The following FBXO4 variants were observed in gnomAD, a reference collection of about 807,000 sequenced individuals.
The protein encoded by FBXO4 is F-box only protein 4.
Under a neutral mutation model 43.7 loss-of-function variants are expected in FBXO4, and 36 were observed. That is an observed-to-expected ratio of 0.82 (90% confidence interval 0.63 to 1.09). The LOEUF (loss-of-function observed/expected upper bound fraction) is 1.09, where lower values mean the gene tolerates loss of function less well. Among genes scored for constraint, FBXO4 ranks in the 50% least tolerant of loss-of-function variants. The pLI, the probability that FBXO4 is intolerant of heterozygous loss-of-function variation, is 0.00. For synonymous variants in FBXO4, 180 were observed against 165.6 expected (o/e 1.09, Z -0.67); for missense variants, 435 against 474.1 (o/e 0.92, Z 0.77).
the FBXO4 span, among the ~76,000 whole-genome samples, chr5:42,005,830 C>A: frequency 1.3e-5 from 2 of 151,870 alleles, no homozygotes; most frequent in Non-Finnish European, 2.9e-5. Context: ...TGTTTTTGAC[C>A]TCCTCTTCTA....
the FBXO4 span, among the ~76,000 whole-genome samples, chr5:41,971,394 T>C: frequency 6.6e-6 from 1 of 152,056 alleles, no homozygotes; most frequent in Non-Finnish European, 1.5e-5. Flanking sequence ...ACAAACAAGA[T>C]AATAAAAAGT....
At chr5:41,947,843 C>T in the FBXO4 span, among the ~76,000 whole-genome samples, 1 of 152,126 alleles carries the variant, frequency 6.6e-6, no homozygotes, top group Non-Finnish European at 1.5e-5. Flanking sequence ...ATGATCAGTG[C>T]TTTCCTTGAG....
At chr5:41,946,964 A>G in the FBXO4 span, among the ~76,000 whole-genome samples, 6 of 152,354 alleles carry the variant, frequency 3.9e-5, no homozygotes, top group South Asian at 1.2e-3. Context: ...GTTAATAGAC[A>G]TCATTGCTCA....
At chr5:41,942,449 T>C (rs1752020419), downstream of FBXO4, among the ~76,000 whole-genome samples, 1 of 151,960 alleles carries the variant, frequency 6.6e-6, no homozygotes, top group Admixed American at 6.5e-5. Context: ...ATTTCAGTTC[T>C]ATAATTAAGA....
the FBXO4 span, among the ~76,000 whole-genome samples, chr5:41,972,875 A>T: frequency 6.6e-6 from 1 of 152,180 alleles, no homozygotes; most frequent in Non-Finnish European, 1.5e-5. Flanking sequence ...CCATAAATAG[A>T]AGATGAAACT....
the FBXO4 span, among the ~76,000 whole-genome samples, chr5:41,965,623 T>C: frequency 6.6e-6 from 1 of 152,142 alleles, no homozygotes; most frequent in Non-Finnish European, 1.5e-5. Context: ...TGAGATACCA[T>C]CTCACACCAG....
At chr5:41,999,508 T>C in the FBXO4 span, among the ~76,000 whole-genome samples, 57 of 57,002 alleles carry the variant, frequency 1.0e-3, no homozygotes, top group African/African-American at 2.7e-3. Context: ...TATATATGTG[T>C]ATATATATAT....
chr5:41,988,257 G>C, the FBXO4 span, among the ~76,000 whole-genome samples: 1 of 152,142 alleles, frequency 6.6e-6, no homozygotes, highest in Non-Finnish European at 1.5e-5. Flanking sequence ...AAGTGGGCTG[G>C]AGTTGGGTAT....
chr5:41,935,605 C>A (rs2112581473), intron 5 of FBXO4, among the ~76,000 whole-genome samples: 1 of 152,320 alleles, frequency 6.6e-6, no homozygotes. Flanking sequence ...GCAGTGGAGA[C>A]CTTTCTACCA....
chr5:41,934,963 C>T (rs1211115544), intron 5 of FBXO4: 1 of 977,676 alleles, frequency 1.0e-6, no homozygotes, highest in Non-Finnish European at 1.2e-6. Context: ...TTATAGTTCT[C>T]TAATACACTG....
In FBXO4 at chr5:41,939,548, G is replaced by A. The variant is rs1371101071; in HGVS notation, c.1006G>A (p.Val336Ile). 2 of 1,613,848 alleles carry A rather than the reference G, an allele frequency of 1.2e-6. No homozygotes were observed. Among genetic ancestry groups the A allele is most frequent in the African/African-American group, 1.3e-5 (1 of 75,038 alleles). The change falls in exon 6 of 7, where the codon GTA becomes ATA. Residue 336 changes from valine (V) to isoleucine (I), a missense_variant. By Grantham distance (29) the Val-to-Ile change is conservative. Transcript: ENST00000281623. The part of the protein sequence containing the change: ...LVLSCISQGD[V>I]KRMPCFYLAH... Reference sequence around the variant, plus strand: ...TTTATCTTGTATTTCTCAAGGGGATGTAAAAAGAATGCCCTGTTTTTATTT... The same window carrying A: ...TTTATCTTGTATTTCTCAAGGGGATATAAAAAGAATGCCCTGTTTTTATTT...
rs767608424 is a variant in FBXO4 at position 41,929,933 on chromosome 5, A to G, written c.646+16A>G. ...CAGATTGATGGTAATTTTCATGTTAATCTACAGTTAATTCAAACACTTTGA... is the reference window on the plus strand; with the variant it reads ...CAGATTGATGGTAATTTTCATGTTAGTCTACAGTTAATTCAAACACTTTGA... On this transcript the variant is annotated intron_variant, in intron 3 of 6. Coordinates refer to ENST00000281623, the MANE Select transcript of FBXO4 (RefSeq NM_012176.3). 6.4e-7 allele frequency: 1 copy of G among 1,552,362 alleles called. No individual in the cohort carries two copies. The highest frequency in any genetic ancestry group is 8.8e-7 in the Non-Finnish European group (1 of 1,133,706).
chr5:41,984,967 G>A, the FBXO4 span, among the ~76,000 whole-genome samples: 2 of 151,892 alleles, frequency 1.3e-5, no homozygotes, highest in Non-Finnish European at 2.9e-5. Flanking sequence ...CTCCAAGTTG[G>A]GTTCTCTTCA....
chr5:41,965,677 G>C, the FBXO4 span, among the ~76,000 whole-genome samples: 2 of 152,216 alleles, frequency 1.3e-5, no homozygotes, highest in East Asian at 3.8e-4. Context: ...ACAGATACTG[G>C]AGAGGATGTG....
At chr5:42,025,855 G>GTGCAGGT in the FBXO4 span, among the ~76,000 whole-genome samples, 2 of 151,718 alleles carry the variant, frequency 1.3e-5, no homozygotes, top group Non-Finnish European at 3.0e-5. Flanking sequence ...TACTGTAGGT[G>GTGCAGGT]TGCAGGTTTA....
At chr5:42,007,030 G>C in the FBXO4 span, among the ~76,000 whole-genome samples, 1 of 149,612 alleles carries the variant, frequency 6.7e-6, no homozygotes, top group African/African-American at 2.5e-5. Context: ...TACTTATTAT[G>C]TGTTGAACTG....
At chr5:41,988,417 C>T in the FBXO4 span, among the ~76,000 whole-genome samples, 9 of 152,132 alleles carry the variant, frequency 5.9e-5, no homozygotes, top group Admixed American at 4.6e-4. Context: ...TTTTTCCTTT[C>T]CCCTGCTCAA....
chr5:41,981,010 A>G, the FBXO4 span, among the ~76,000 whole-genome samples: 1 of 152,096 alleles, frequency 6.6e-6, no homozygotes, highest in Admixed American at 6.6e-5. Flanking sequence ...AGTTTCAAAT[A>G]CTAACATCCT....
chr5:42,015,056 C>T, the FBXO4 span, among the ~76,000 whole-genome samples: 1 of 152,070 alleles, frequency 6.6e-6, no homozygotes, highest in Admixed American at 6.6e-5. Flanking sequence ...AAGAGTAAAG[C>T]AGTAGGTATG....
Sources: allele counts gnomAD v4.1 joint callset (sites outside exome capture counted in the v4.1 genomes callset), GRCh38; gene constraint gnomAD v4.1.1; transcripts MANE v1.5; gene names NCBI Gene and HGNC (gene_info 2026-07-23, HGNC 2026-07-21).